CEP250: variants seen among roughly 807,000 people sequenced by gnomAD.
CEP250 encodes the protein centrosome-associated protein CEP250.
Under a neutral mutation model 315.7 loss-of-function variants are expected in CEP250, and 242 were observed. The observed-to-expected ratio is 0.77, with a 90% CI of 0.69 to 0.85. CEP250 has a LOEUF of 0.85. Ranked by LOEUF, CEP250 falls within the 40% of genes least tolerant of loss-of-function variation. CEP250 has a pLI of 0.00. For synonymous variants in CEP250, 1,088 were observed against 1,175.0 expected, an observed-to-expected ratio of 0.93 and a Z score of 1.51; for missense variants, 2,515 against 2,886.4, an observed-to-expected ratio of 0.87 and a Z score of 2.95.
intron 27 of CEP250, among the ~76,000 whole-genome samples, chr20:35,499,179 G>T (rs1335070602): frequency 9.9e-5 from 15 of 152,200 alleles, no homozygotes. Flanking sequence ...GGAGGCTGAG[G>T]CAGGAGAATC....
At chr20:35,501,773 T>G in intron 28 of CEP250, 72 bp from the exon 29 acceptor site, 1 of 1,483,664 alleles carries the variant, frequency 6.7e-7, no homozygotes, top group East Asian at 2.5e-5. Flanking sequence ...TCCATCTGCC[T>G]CTATATCCCT....
In CEP250 at chr20:35,458,966, CTTTTTTTTT is replaced by C. The variant is rs778598883; in HGVS notation, c.-227+612_-227+620del. Among the ~76,000 whole-genome samples the C allele has an allele frequency of 6.8e-5, 4 of 59,228 alleles. 1 individual carries two copies. In the South Asian group the frequency reaches 2.8e-3, roughly 41 times the overall value. The allele number at this position is 59,228 out of a possible 152,430, so 38.9% of individuals were successfully genotyped here. A position where few individuals can be genotyped will look rare whatever the true frequency, so the allele number is the denominator to read the frequency against. On this transcript the variant is annotated intron_variant, in intron 2 of 34. Coordinates refer to ENST00000397527, the MANE Select transcript of CEP250 (RefSeq NM_007186.6). ...ATGGTATATTTGCTATAATGCAAAT[CTTTTTTTTT>C]TTTTTTTTTTTTTTTTTTTGAGATG...
At chr20:35,469,288 C>A (rs906682583) in intron 9 of CEP250, among the ~76,000 whole-genome samples, 5 of 151,910 alleles carry the variant, frequency 3.3e-5, no homozygotes, top group Non-Finnish European at 7.4e-5. Context: ...CAGAGCAAGA[C>A]CCTGTCTCAA....
At chr20:35,466,690 G>C (rs2062885946) in intron 7 of CEP250, among the ~76,000 whole-genome samples, 1 of 152,170 alleles carries the variant, frequency 6.6e-6, no homozygotes, top group Non-Finnish European at 1.5e-5. Flanking sequence ...AGAAAAGTCT[G>C]TGGTAATAGA....
At chr20:35,455,381 G>A (rs1349601904), upstream of CEP250, 1 of 152,256 alleles carries the variant, frequency 6.6e-6, no homozygotes. Context: ...CCCAGAGAGG[G>A]GCTGGGACGC....
chr20:35,479,424 G>C lies in CEP250; in HGVS notation c.2288G>C (p.Ser763Thr), dbSNP rs1300615561. 1 of 1,612,530 alleles carries C rather than the reference G, an allele frequency of 6.2e-7. No homozygotes were observed. The highest frequency in any genetic ancestry group is 2.2e-5 in the East Asian group (1 of 44,882). ...QDLAEQLQGL[S>T]SAKELLESSL... ...CTCGCTGAACAACTACAGGGGCTCA[G>C]GTAGGGCCCAGACTCAGTTCAGCCA... Residue 763 changes from serine to threonine, a missense_variant and splice_region_variant, in exon 18 of 35, where the codon AGC (serine) becomes ACC (threonine). Transcript: ENST00000397527.
At chr20:35,472,324 C>T (rs962693940) in intron 11 of CEP250, among the ~76,000 whole-genome samples, 173 bp downstream of exon 11, 19 of 152,228 alleles carry the variant, frequency 1.2e-4, no homozygotes, top group African/African-American at 4.6e-4. Context: ...GCTAAGCATT[C>T]ACGTTTAGCA....
chr20:35,508,862 C>T, intron 32 of CEP250, 81 bp from the exon 33 acceptor site: 2 of 1,164,620 alleles, frequency 1.7e-6, no homozygotes, highest in Non-Finnish European at 1.2e-6. Flanking sequence ...TGCACAGGCA[C>T]TGGCCACCTC....
At position 35,490,775 on chromosome 20, in the gene CEP250, C is replaced by A; in HGVS notation, c.2725C>A (p.Arg909=). 6.2e-7 allele frequency: 1 copy of A among 1,613,430 alleles called. No homozygotes were observed. ...EAIQAQREEE[R]TQAESALCQM... is the part of the protein sequence containing the mutation. ...CATCCAGGCCCAGAGGGAAGAAGAA[C>A]GGACCCAGGCAGAGAGTGCCCTATG... The change falls in exon 21 of 35, where the codon CGG becomes AGG. Residue 909 remains arginine (R), a synonymous_variant. Coordinates refer to ENST00000397527, the MANE Select transcript of CEP250 (RefSeq NM_007186.6).
At position 35,486,660 on chromosome 20, in the gene CEP250, G is replaced by A. The variant is rs181583378; in HGVS notation, c.2587-3977G>A. 2.6e-5 allele frequency among the ~76,000 whole-genome samples: 4 copies of A among 152,152 alleles called. No individual in the cohort carries two copies. In the East Asian group the frequency reaches 5.8e-4, roughly 22 times the overall value. ...TTTATCCAGCATTTTTTGCGATTTCGTAGCTGGAGGGTTCAGAGATCTTGT... is the reference window on the plus strand; with the variant it reads ...TTTATCCAGCATTTTTTGCGATTTCATAGCTGGAGGGTTCAGAGATCTTGT... On this transcript the variant is annotated intron_variant, in intron 20 of 34. Transcript: ENST00000397527.
Position 35,503,990 on chromosome 20 carries a change from A to T in CEP250, c.5621A>T (p.Glu1874Val). Residue 1874 changes from glutamate (E) to valine (V), a missense_variant, in exon 30 of 35, where the codon GAG becomes GTG. Physicochemically the swap from Glu to Val is moderately radical, Grantham distance 121 (BLOSUM62 -2). Coordinates refer to ENST00000397527, the MANE Select transcript of CEP250 (RefSeq NM_007186.6). This position sits in a 1 kb window ranked among gnomAD's most constrained non-coding sequence, Gnocchi z 4.2. ...HKEQARRLEEELAVEGRRVQA... is the reference protein window; with the variant it reads ...HKEQARRLEEVLAVEGRRVQA... ...GAACAGGCACGAAGGCTGGAGGAAGAGCTGGCAGTGGAGGGACGGCGGGTC... is the reference window on the plus strand; with the variant it reads ...GAACAGGCACGAAGGCTGGAGGAAGTGCTGGCAGTGGAGGGACGGCGGGTC... 1 of 1,610,244 alleles carries T rather than the reference A, an allele frequency of 6.2e-7. No homozygotes were observed. Among genetic ancestry groups the T allele is most frequent in the South Asian group, 1.1e-5 (1 of 90,774 alleles).
intron 22 of CEP250, among the ~76,000 whole-genome samples, chr20:35,493,222 G>T (rs533179209): frequency 6.6e-6 from 1 of 152,080 alleles, no homozygotes; most frequent in Admixed American, 6.6e-5. Flanking sequence ...CTAGGTGAGA[G>T]ACTATTACCA....
intron 29 of CEP250, 137 bp from the exon 30 acceptor site, chr20:35,502,253 G>GTGGA: frequency 1.3e-6 from 1 of 783,990 alleles, no homozygotes; most frequent in Non-Finnish European, 2.0e-6. Context: ...ATCAGCTTAA[G>GTGGA]TGGAATATAC....
At chr20:35,464,996 T>C (rs1054532025) in intron 5 of CEP250, among the ~76,000 whole-genome samples, 1 of 152,204 alleles carries the variant, frequency 6.6e-6, no homozygotes, top group African/African-American at 2.4e-5. Flanking sequence ...GATGGATTTA[T>C]GGGATGAAAT....
rs776424544 is a variant in CEP250 at position 35,501,861 on chromosome 20, A to G, written c.3915A>G (p.Glu1305=). 6.2e-7 allele frequency: 1 copy of G among 1,611,056 alleles called. No homozygotes were observed. Among genetic ancestry groups the G allele is most frequent in the Admixed American group, 1.7e-5 (1 of 59,614 alleles). Residue 1305 remains glutamate, a synonymous_variant, in exon 29 of 35, where the codon GAA becomes GAG. Coordinates refer to ENST00000397527, the MANE Select transcript of CEP250 (RefSeq NM_007186.6). ...TTCTCAAAGAGAAATCTAAGTGGGA[A>G]GGAAAGCAGAACTCCCTAGAATCTG... ...SQNQEEKSKW[E]GKQNSLESEL...
intron 16 of CEP250, 60 bp downstream of exon 16, chr20:35,476,655 G>C: frequency 6.9e-7 from 1 of 1,446,236 alleles, no homozygotes; most frequent in Non-Finnish European, 9.6e-7. Context: ...GAGCAAGACG[G>C]ATCAGCTCCC....
At position 35,490,640 on chromosome 20, in the gene CEP250, A is replaced by G. The variant is rs772478014; in HGVS notation, c.2590A>G (p.Lys864Glu). 6.2e-7 allele frequency: 1 copy of G among 1,612,276 alleles called. No individual in the cohort carries two copies. The highest frequency in any genetic ancestry group is 1.1e-5 in the South Asian group (1 of 90,988). Residue 864 changes from lysine (K) to glutamate (E), a missense_variant, in exon 21 of 35, where the codon AAG becomes GAG. Transcript: ENST00000397527. ...GGTGTTTCCTTCATGTGGCCAGGAG[A>G]AGGAGCGCTCCTGGCACCAGCAGGA... The part of the protein sequence containing the change: ...EVNQLREKWE[K>E]ERSWHQQELA...
In CEP250 at chr20:35,502,908, C is replaced by T. The variant is rs771400987; in HGVS notation, c.4539C>T (p.Leu1513=). The change falls in exon 30 of 35, where the codon CTC becomes CTT. Residue 1513 remains leucine, a synonymous_variant. Coordinates refer to ENST00000397527, the MANE Select transcript of CEP250 (RefSeq NM_007186.6). ...LTVQREQIRE[L]EKDRETQRNV... is the part of the protein sequence containing the mutation. ...TGCAGAGGGAGCAGATCAGAGAGCT[C>T]GAGAAGGATCGGGAGACTCAGAGGA... 5.6e-6 allele frequency: 9 copies of T among 1,614,110 alleles called. No individual in the cohort carries two copies. In the East Asian group the frequency reaches 1.3e-4, roughly 24 times the overall value.
chr20:35,511,954 A>C lies in CEP250; in HGVS notation c.*328A>C. On this transcript the variant is annotated 3_prime_UTR_variant, in exon 35 of 35. Transcript: ENST00000397527. ...CCTTCATCTTCTCCTTCAACAATAA[A>C]CCCTGGGATCTTTGCATTCATTTTC... 8.9e-7 allele frequency: 1 copy of C among 1,123,680 alleles called. No individual in the cohort carries two copies. The allele number at this position is 1,123,680 out of a possible 1,614,324, so 69.6% of individuals were successfully genotyped here.
Sources: gnomAD v4.1 joint callset for allele counts (sites outside exome capture counted in the v4.1 genomes callset) on GRCh38, gnomAD v4.1.1 for gene constraint, Gnocchi (gnomAD v3.1) non-coding constraint, MANE v1.5 for transcripts, NCBI Gene and HGNC (gene_info 2026-07-23, HGNC 2026-07-21) for gene names.